Variants in UTP25 observed in about 807,000 individuals in gnomAD.
UTP25 encodes the protein UTP25 small subunit processome component.
A neutral mutation model predicts 78.9 loss-of-function variants in UTP25; 50 were observed. The observed-to-expected ratio is 0.63, with a 90% CI of 0.50 to 0.80. The LOEUF (loss-of-function observed/expected upper bound fraction) is 0.80, where lower values mean the gene tolerates loss of function less well. Among genes scored for constraint, UTP25 ranks in the 30% least tolerant of loss-of-function variants. The pLI is 0.00. For missense variants in UTP25, 846 were observed against 911.3 expected, an observed-to-expected ratio of 0.93 and a Z score of 0.92; for synonymous variants, 329 against 336.5, an observed-to-expected ratio of 0.98 and a Z score of 0.24.
intron 11 of UTP25, among the ~76,000 whole-genome samples, chr1:209,844,908 CA>C (rs2078188714): frequency 6.6e-6 from 1 of 152,158 alleles, no homozygotes; most frequent in African/African-American, 2.4e-5. Context: ...CCTGATTTCA[CA>C]ATAATGTCCA....
At chr1:209,834,781 C>T (rs980702101) in intron 4 of UTP25, among the ~76,000 whole-genome samples, 4 of 152,092 alleles carry the variant, frequency 2.6e-5, no homozygotes, top group Admixed American at 2.0e-4. Flanking sequence ...GCCATATAGT[C>T]CAGAAATGAT....
chr1:209,834,580 T>C (rs1018009493), intron 4 of UTP25, among the ~76,000 whole-genome samples: 8 of 85,226 alleles, frequency 9.4e-5, no homozygotes, highest in African/African-American at 3.0e-4. Flanking sequence ...GTAGGAGACT[T>C]GAGAAAGTGA....
chr1:209,845,845 T>TTTTTCC (rs2078194048), intron 11 of UTP25, among the ~76,000 whole-genome samples: 1 of 150,426 alleles, frequency 6.6e-6, no homozygotes, highest in Admixed American at 6.6e-5. Flanking sequence ...TAAGTACTTT[T>TTTTTCC]TTTTTCTTTT....
At position 209,835,232 on chromosome 1, in the gene UTP25, TA is replaced by T. The variant is rs558096412; in HGVS notation, c.651+70del. The T allele has an allele frequency of 9.6e-5, 131 of 1,357,686 alleles. 1 individual carries two copies. In the South Asian group the frequency reaches 1.4e-3, roughly 14 times the overall value. 84.1% of individuals were successfully genotyped at this position (1,357,686 alleles called of 1,614,324 possible). ...TAAATAAAACAGTGGTCTTGGGTTT[TA>T]GTGGCCTCCCAGAATGTATGATATA... On this transcript the variant is annotated intron_variant, in intron 5 of 11. Coordinates refer to ENST00000491415, the MANE Select transcript of UTP25 (RefSeq NM_014388.7).
chr1:209,851,481 A>T lies in UTP25; in HGVS notation c.*34A>T, dbSNP rs753900325. Reference sequence around the variant, plus strand: ...TGGGCAGGAAGTGGTATTTGGCATGATACATAATGTTTGATTCTATGCCAT... The same window carrying T: ...TGGGCAGGAAGTGGTATTTGGCATGTTACATAATGTTTGATTCTATGCCAT... On this transcript the variant is annotated 3_prime_UTR_variant, in exon 12 of 12. Coordinates refer to ENST00000491415, the MANE Select transcript of UTP25 (RefSeq NM_014388.7). 14 of 1,569,526 alleles carry T rather than the reference A, an allele frequency of 8.9e-6. 1 individual carries two copies. In the East Asian group the frequency reaches 3.1e-4, roughly 35 times the overall value.
intron 11 of UTP25, among the ~76,000 whole-genome samples, chr1:209,848,465 G>T (rs949838259): frequency 6.6e-6 from 1 of 151,918 alleles, no homozygotes; most frequent in African/African-American, 2.4e-5. Context: ...GGGCATATAG[G>T]GGTTTTTTTT....
At position 209,838,940 on chromosome 1, in the gene UTP25, CT is replaced by C; in HGVS notation, c.1097del (p.Leu366CysfsTer21). On this transcript the variant is annotated frameshift_variant, in exon 7 of 12. Transcript: ENST00000491415. LOFTEE classifies it high-confidence loss of function. ...ATAGTGGTGCCATTCCGGGAAGCTGCTTTGCGGGTGGTGCAGCTCTTCATCA... is the reference window on the plus strand; with the variant it reads ...ATAGTGGTGCCATTCCGGGAAGCTGCTTGCGGGTGGTGCAGCTCTTCATCA... The part of the protein sequence containing the change: ...VLIVVPFREA[A>X]LRVVQLFISL... 1 of 1,614,116 alleles carries C rather than the reference CT, an allele frequency of 6.2e-7. No homozygotes were observed. Among genetic ancestry groups the C allele is most frequent in the Non-Finnish European group, 8.5e-7 (1 of 1,179,988 alleles).
At chr1:209,841,114 C>T (rs2078165101) in intron 8 of UTP25, 59 bp downstream of exon 8, 1 of 1,573,884 alleles carries the variant, frequency 6.4e-7, no homozygotes, top group African/African-American at 1.4e-5. Context: ...GATAAGACAC[C>T]CAGTGGTTTA....
intron 4 of UTP25, among the ~76,000 whole-genome samples, chr1:209,834,461 G>T (rs1324456466): frequency 2.0e-5 from 3 of 152,184 alleles, no homozygotes; most frequent in Non-Finnish European, 4.4e-5. Flanking sequence ...ATATCTGTGT[G>T]TCCCAGTGCA....
In UTP25 at chr1:209,841,018, C is replaced by A; in HGVS notation, c.1448C>A (p.Ala483Asp). ...SSIELLIIDQADIYLMQNWEH... is the reference protein window; with the variant it reads ...SSIELLIIDQDDIYLMQNWEH... Reference sequence around the variant, plus strand: ...ATCGAGCTTCTCATCATTGATCAAGCTGACATTTACCTGATGCAGAACTGG... The same window carrying A: ...ATCGAGCTTCTCATCATTGATCAAGATGACATTTACCTGATGCAGAACTGG... The change falls in exon 8 of 12, where the codon GCT becomes GAT. Residue 483 changes from alanine to aspartate, a missense_variant. Coordinates refer to ENST00000491415, the MANE Select transcript of UTP25 (RefSeq NM_014388.7). 6.2e-7 allele frequency: 1 copy of A among 1,614,058 alleles called. No individual in the cohort carries two copies. Among genetic ancestry groups the A allele is most frequent in the South Asian group, 1.1e-5 (1 of 91,086 alleles).
At chr1:209,838,776 A>G (rs1275744494) in intron 6 of UTP25, 133 bp from the exon 7 acceptor site, 1 of 973,038 alleles carries the variant, frequency 1.0e-6, no homozygotes, top group African/African-American at 1.6e-5. Context: ...CAAAGCGGGT[A>G]ACATAGGTAT....
At chr1:209,848,597 C>A (rs2078211150) in intron 11 of UTP25, among the ~76,000 whole-genome samples, 1 of 152,280 alleles carries the variant, frequency 6.6e-6, no homozygotes, top group Middle Eastern at 3.4e-3. Context: ...AGCACAGAGG[C>A]TGTACACAGT....
In UTP25 at chr1:209,855,341, A is replaced by G. The variant is rs918235409; in HGVS notation, c.*3894A>G. 5.9e-5 allele frequency: 9 copies of G among 152,170 alleles called. No homozygotes were observed. The highest frequency in any genetic ancestry group is 1.9e-4 in the African/African-American group (8 of 41,404). 9.4% of individuals were successfully genotyped at this position (152,170 alleles called of 1,614,324 possible). A position where few individuals can be genotyped will look rare whatever the true frequency, so the allele number is the denominator to read the frequency against. The stretch of plus-strand genomic sequence containing the variant: ...TCAGATGTGGGGAGTTGCCGCCTCC[A>G]CTTGCATTACATGTATTTCAGAGTA... On this transcript the variant is annotated 3_prime_UTR_variant, in exon 12 of 12. Transcript: ENST00000491415.
At chr1:209,838,365 A>ATT (rs3834034) in intron 6 of UTP25, among the ~76,000 whole-genome samples, 4 of 148,976 alleles carry the variant, frequency 2.7e-5, no homozygotes, top group Non-Finnish European at 5.9e-5. Context: ...AATTGTGGTC[A>ATT]TTTTTTTTTA....
intron 4 of UTP25, 41 bp downstream of exon 4, chr1:209,833,399 T>C: frequency 6.8e-7 from 1 of 1,481,426 alleles, no homozygotes. Flanking sequence ...ACCAGGTGCT[T>C]AGTATGGAAT....
intron 11 of UTP25, among the ~76,000 whole-genome samples, chr1:209,848,161 A>T (rs1044147921): frequency 5.3e-5 from 8 of 152,048 alleles, no homozygotes; most frequent in East Asian, 1.9e-4. Flanking sequence ...AAGTATTAAT[A>T]AAAAAAATAA....
At chr1:209,844,671 G>C (rs1361718141) in intron 11 of UTP25, 2 of 152,242 alleles carry the variant, frequency 1.3e-5, no homozygotes, top group Non-Finnish European at 2.9e-5. Flanking sequence ...TCTAATTAGA[G>C]GGTTAGTAAT....
chr1:209,850,385 A>G (rs535602625), intron 11 of UTP25, among the ~76,000 whole-genome samples: 5 of 152,370 alleles, frequency 3.3e-5, no homozygotes, highest in Non-Finnish European at 5.9e-5. Context: ...TGTGAGGGAA[A>G]AAGACAAGGA....
intron 11 of UTP25, among the ~76,000 whole-genome samples, chr1:209,848,015 A>G (rs1409265352): frequency 6.6e-6 from 1 of 152,188 alleles, no homozygotes; most frequent in Non-Finnish European, 1.5e-5. Flanking sequence ...GGATTTATCT[A>G]ATTGTTCCCT....
Sources: allele counts gnomAD v4.1 joint callset (sites outside exome capture counted in the v4.1 genomes callset), GRCh38; gene constraint gnomAD v4.1.1; transcripts MANE v1.5; gene names NCBI Gene and HGNC (gene_info 2026-07-23, HGNC 2026-07-21).